The following CSMD1 variants were observed in gnomAD, a reference collection of about 807,000 sequenced individuals.
CSMD1 encodes CUB and Sushi multiple domains 1.
CSMD1 carries 213 observed loss-of-function variants against 417.5 expected under a neutral mutation model. The ratio of observed to expected loss-of-function variants is 0.51; its 90% CI spans 0.46 to 0.57. CSMD1 has a LOEUF of 0.57. CSMD1 is among the 20% of genes least tolerant of loss of function. The pLI, the probability that CSMD1 is intolerant of heterozygous loss-of-function variation, is 0.00. For missense variants in CSMD1, 6,923 were observed against 4,529.7 expected (o/e 1.53, Z -15.17); for synonymous variants, 2,862 against 1,736.8 (o/e 1.65, Z -16.11).
chr8:4,906,055 A>T (rs1398805160), intron 1 of CSMD1, among the ~76,000 whole-genome samples: 1 of 152,126 alleles, frequency 6.6e-6, no homozygotes, highest in African/African-American at 2.4e-5. Context: ...ATACTGTAAG[A>T]AACTTTCAGA....
intron 3 of CSMD1, among the ~76,000 whole-genome samples, chr8:4,294,384 C>T (rs1395638774): frequency 6.6e-6 from 1 of 152,158 alleles, no homozygotes; most frequent in African/African-American, 2.4e-5. Context: ...TGCAAGATGT[C>T]ACCGTTCTTT....
intron 1 of CSMD1, among the ~76,000 whole-genome samples, chr8:4,966,209 C>CAAAA (rs33941630): frequency 1.2e-3 from 106 of 89,116 alleles, no homozygotes; most frequent in African/African-American, 2.2e-3. Context: ...ACTAAATATA[C>CAAAA]AAAAAAAAAA....
chr8:3,620,712 A>T (rs568326337), intron 7 of CSMD1, among the ~76,000 whole-genome samples: 1 of 152,322 alleles, frequency 6.6e-6, no homozygotes, highest in African/African-American at 2.4e-5. Flanking sequence ...CAAAAATATC[A>T]ACTAAACATA....
At chr8:4,940,687 G>C (rs978827982) in intron 1 of CSMD1, among the ~76,000 whole-genome samples, 4 of 152,162 alleles carry the variant, frequency 2.6e-5, no homozygotes, top group African/African-American at 9.7e-5. Flanking sequence ...TACCTTACAA[G>C]ATCAAATCAA....
intron 7 of CSMD1, among the ~76,000 whole-genome samples, chr8:3,681,838 CAG>C (rs1376870255): frequency 5.9e-5 from 9 of 152,154 alleles, no homozygotes; most frequent in Admixed American, 4.6e-4. Context: ...GGTACCAAAA[CAG>C]AGATATAGAC....
chr8:3,545,955 AAGGTTT>A (rs1253641692), intron 10 of CSMD1, among the ~76,000 whole-genome samples: 24 of 152,168 alleles, frequency 1.6e-4, no homozygotes, highest in African/African-American at 4.6e-4. Context: ...AGAAACTGGA[AAGGTTT>A]AGCTCCTAAG....
At chr8:4,986,227 C>T (rs1400249524) in intron 1 of CSMD1, among the ~76,000 whole-genome samples, 6 of 152,114 alleles carry the variant, frequency 3.9e-5, no homozygotes, top group Middle Eastern at 3.4e-3. Flanking sequence ...CTCAGAGCGC[C>T]GCCAGGAAAG....
chr8:3,154,133 T>A (rs545925644), intron 39 of CSMD1, among the ~76,000 whole-genome samples: 1 of 152,268 alleles, frequency 6.6e-6, no homozygotes, highest in Non-Finnish European at 1.5e-5. Context: ...CGACTACGCC[T>A]GGCTAATTTT....
At chr8:3,403,564 G>A (rs1410487490) in intron 15 of CSMD1, among the ~76,000 whole-genome samples, 1 of 152,162 alleles carries the variant, frequency 6.6e-6, no homozygotes, top group Non-Finnish European at 1.5e-5. Flanking sequence ...TGTTTGTGCT[G>A]TGGTCCACAC....
At chr8:4,191,799 G>C (rs186412770) in intron 3 of CSMD1, among the ~76,000 whole-genome samples, 190 of 148,040 alleles carry the variant, frequency 1.3e-3, no homozygotes, top group African/African-American at 4.3e-3. Context: ...AGGTTGAATT[G>C]ACTTCATCTC....
chr8:4,483,108 C>T lies in CSMD1; in HGVS notation c.303-63043G>A, dbSNP rs572499730. ...TAATTGAATGACAGGGGCAGTCTCC[C>T]CCATACTGTTCTCCTGGTGGTGGAT... On this transcript the variant is annotated intron_variant, in intron 2 of 69. Transcript: ENST00000635120. 3.3e-5 allele frequency among the ~76,000 whole-genome samples: 5 copies of T among 152,232 alleles called. No individual in the cohort carries two copies. The South Asian group carries it at 8.3e-4, about 25-fold the overall frequency.
chr8:3,215,587 G>A (rs1407712048), intron 29 of CSMD1, among the ~76,000 whole-genome samples: 1 of 152,192 alleles, frequency 6.6e-6, no homozygotes, highest in African/African-American at 2.4e-5. Flanking sequence ...ACTTTTGGCT[G>A]CATTAAGTAT....
At chr8:3,002,348 G>A (rs190806679) in intron 52 of CSMD1, among the ~76,000 whole-genome samples, 161 of 152,288 alleles carry the variant, frequency 1.1e-3, no homozygotes, top group African/African-American at 3.4e-3. Context: ...TGGAGCCATC[G>A]TTCCAACCCT....
At chr8:3,082,847 G>C (rs1310959573) in intron 49 of CSMD1, among the ~76,000 whole-genome samples, 1 of 152,152 alleles carries the variant, frequency 6.6e-6, no homozygotes, top group African/African-American at 2.4e-5. Context: ...AAGCCTCAGA[G>C]GTAAAACCTG....
chr8:4,252,115 A>T (rs1338506939), intron 3 of CSMD1, among the ~76,000 whole-genome samples: 1 of 152,198 alleles, frequency 6.6e-6, no homozygotes, highest in Non-Finnish European at 1.5e-5. Flanking sequence ...GTGGTAGAGA[A>T]CTACTGAAAC....
intron 3 of CSMD1, among the ~76,000 whole-genome samples, chr8:4,037,865 G>A (rs889732230): frequency 2.7e-4 from 41 of 151,932 alleles, no homozygotes; most frequent in Admixed American, 2.6e-4. Flanking sequence ...ATATATTCTC[G>A]TATACATACG....
Position 3,362,577 on chromosome 8 carries a change from T to G in CSMD1, c.3116-3237A>C, listed in dbSNP as rs142014674. On this transcript the variant is annotated intron_variant, in intron 20 of 69. Transcript: ENST00000635120. ...TGTGTTGAAATTAATTCTATGCCGA[T>G]GGGTTTCCAGTATTTCTTTTTCTTT... is the stretch of plus-strand genomic sequence containing the variant. 6.0e-3 allele frequency among the ~76,000 whole-genome samples: 907 copies of G among 152,344 alleles called. 12 individuals carry two copies. The highest frequency in any genetic ancestry group is 0.021 in the African/African-American group (868 of 41,576).
chr8:3,431,752 G>A (rs184677990), intron 12 of CSMD1, among the ~76,000 whole-genome samples: 6 of 152,186 alleles, frequency 3.9e-5, no homozygotes, highest in East Asian at 3.9e-4. Flanking sequence ...TATCTACAAC[G>A]ATAACTTGTT....
chr8:3,505,343 G>A (rs947413849), intron 10 of CSMD1, among the ~76,000 whole-genome samples: 23 of 152,158 alleles, frequency 1.5e-4, no homozygotes, highest in African/African-American at 5.5e-4. Context: ...AAGATGAAAA[G>A]AAGATGAGAG....
Sources: gnomAD v4.1 joint callset for allele counts (sites outside exome capture counted in the v4.1 genomes callset) on GRCh38, gnomAD v4.1.1 for gene constraint, MANE v1.5 for transcripts, NCBI Gene and HGNC (gene_info 2026-07-23, HGNC 2026-07-21) for gene names.